Variants in AFAP1 observed in about 807,000 individuals in gnomAD.
AFAP1 encodes actin filament associated protein 1, also known as actin filament-associated protein 1.
A neutral mutation model predicts 93.9 loss-of-function variants in AFAP1; 75 were observed. That is an observed-to-expected ratio of 0.80 (90% CI 0.66 to 0.97). The LOEUF is 0.97. AFAP1 is among the 50% of genes least tolerant of loss of function. The pLI is 0.00. For missense variants in AFAP1, 1,201 were observed against 1,050.8 expected, an observed-to-expected ratio of 1.14 and a Z score of -1.98; for synonymous variants, 517 against 430.7, an observed-to-expected ratio of 1.20 and a Z score of -2.48.
rs2158274 is a variant in AFAP1 at position 7,762,789 on chromosome 4, C to G, written c.*976G>C. The stretch of plus-strand genomic sequence containing the variant: ...CTCTAAGGTGTTATAGTTCCATGAG[C>G]GAACAAATTCCGGAACTTGCTTCCC... On this transcript the variant is annotated 3_prime_UTR_variant, in exon 18 of 18. Coordinates refer to ENST00000420658, the MANE Select transcript of AFAP1 (RefSeq NM_001134647.2). 106,441 of 152,082 alleles carry G rather than the reference C, an allele frequency of 0.7. 37,812 individuals carry two copies. The highest frequency in any genetic ancestry group is 0.77 in the Non-Finnish European group (52,471 of 68,022). The allele number at this position is 152,082 out of a possible 1,614,324, so 9.4% of individuals were successfully genotyped here.
chr4:7,762,433 C>T lies in AFAP1; in HGVS notation c.*1332G>A, dbSNP rs1560138461. The T allele has an allele frequency of 6.6e-6, 1 of 152,198 alleles. No homozygotes were observed. Among genetic ancestry groups the T allele is most frequent in the South Asian group, 2.1e-4 (1 of 4,836 alleles). The allele number at this position is 152,198 out of a possible 1,614,324, so 9.4% of individuals were successfully genotyped here. A position where few individuals can be genotyped will look rare whatever the true frequency, so the allele number is the denominator to read the frequency against. On this transcript the variant is annotated 3_prime_UTR_variant, in exon 18 of 18. Coordinates refer to ENST00000420658, the MANE Select transcript of AFAP1 (RefSeq NM_001134647.2). ...TGCCTGCGGAGGCGTTCAGGGGTGA[C>T]TTATTTCGTCATAAGTGACTGCATC...
At chr4:7,767,256 G>A (rs764436703) in intron 17 of AFAP1, among the ~76,000 whole-genome samples, 7 of 152,300 alleles carry the variant, frequency 4.6e-5, no homozygotes, top group African/African-American at 7.2e-5. Flanking sequence ...AGGATCACTC[G>A]CTTCCCATTC....
At chr4:7,931,148 G>A (rs762247701) in intron 1 of AFAP1, among the ~76,000 whole-genome samples, 2 of 152,134 alleles carry the variant, frequency 1.3e-5, no homozygotes, top group Non-Finnish European at 2.9e-5. Flanking sequence ...TCTTCCACAG[G>A]ACATCTCCCT....
At chr4:7,781,329 T>A in intron 13 of AFAP1, 47 bp downstream of exon 13, 1 of 1,539,576 alleles carries the variant, frequency 6.5e-7, no homozygotes, top group Middle Eastern at 1.7e-4. Context: ...GTTGGAGCAA[T>A]GTGACTTGAA....
intron 16 of AFAP1, among the ~76,000 whole-genome samples, chr4:7,769,812 C>G (rs1390354840): frequency 6.6e-6 from 1 of 152,236 alleles, no homozygotes; most frequent in African/African-American, 2.4e-5. Context: ...TGAAAATGGG[C>G]AGCTCGGGGT....
At chr4:7,791,849 AAAC>A (rs1717886757) in intron 11 of AFAP1, among the ~76,000 whole-genome samples, 1 of 147,584 alleles carries the variant, frequency 6.8e-6, no homozygotes. Flanking sequence ...AATCAAAAAA[AAAC>A]AAAAACAAAA....
At chr4:7,772,748 C>T (rs939022320) in intron 16 of AFAP1, 72 bp downstream of exon 16, 1 of 1,454,536 alleles carries the variant, frequency 6.9e-7, no homozygotes, top group Non-Finnish European at 9.4e-7. Flanking sequence ...ACTCCACATT[C>T]TCTCTGGGTG....
chr4:7,791,353 G>C (rs938181234), intron 11 of AFAP1, among the ~76,000 whole-genome samples: 1 of 152,164 alleles, frequency 6.6e-6, no homozygotes, highest in Non-Finnish European at 1.5e-5. Context: ...AGGGGTGAAA[G>C]ATGCTGGAGC....
In AFAP1 at chr4:7,816,013, C is replaced by T. The variant is rs765123469; in HGVS notation, c.904+5G>A. The T allele has an allele frequency of 1.3e-5, 21 of 1,607,400 alleles. No homozygotes were observed. The South Asian group carries it at 2.2e-4, about 17-fold the overall frequency. On this transcript the variant is annotated splice_donor_5th_base_variant and intron_variant, in intron 8 of 17. Coordinates refer to ENST00000420658, the MANE Select transcript of AFAP1 (RefSeq NM_001134647.2). Reference sequence around the variant, plus strand: ...ATATATGTTTTTGGCACAAGCAGAACTCACCTTGCTCCTTTCCATTACATG... The same window carrying T: ...ATATATGTTTTTGGCACAAGCAGAATTCACCTTGCTCCTTTCCATTACATG...
Position 7,786,211 on chromosome 4 carries a change from G to T in AFAP1, c.1513C>A (p.Pro505Thr). Residue 505 changes from proline (P) to threonine (T), a missense_variant, in exon 12 of 18, where the codon CCG (proline) becomes ACG (threonine). By Grantham distance (38) the Pro-to-Thr change is conservative. Coordinates refer to ENST00000420658, the MANE Select transcript of AFAP1 (RefSeq NM_001134647.2). ...SGTALHYDDV[P>T]CINGSWEPED... ...GCACTCACCGAGCCGTTGATGCACG[G>T]GACATCGTCATAATGAAGTGCCGTC... 1 of 1,614,166 alleles carries T rather than the reference G, an allele frequency of 6.2e-7. No individual in the cohort carries two copies. The highest frequency in any genetic ancestry group is 1.1e-5 in the South Asian group (1 of 91,070).
Position 7,781,549 on chromosome 4 carries a change from A to T in AFAP1, c.1609T>A (p.Tyr537Asn). 1 of 1,552,058 alleles carries T rather than the reference A, an allele frequency of 6.4e-7. No homozygotes were observed. The highest frequency in any genetic ancestry group is 8.7e-7 in the Non-Finnish European group (1 of 1,147,072). Reference sequence around the variant, plus strand: ...ATGTGCGGAGGCGGCAAGTTATCGTACAGGCCTGCGTTATCATAAAGCACC... The same window carrying T: ...ATGTGCGGAGGCGGCAAGTTATCGTTCAGGCCTGCGTTATCATAAAGCACC... ...EEVLYDNAGLYDNLPPPHIFA... is the reference protein window; with the variant it reads ...EEVLYDNAGLNDNLPPPHIFA... The change falls in exon 13 of 18, where the codon TAC becomes AAC. Residue 537 changes from tyrosine (Y) to asparagine (N), a missense_variant. By Grantham distance (143) the Tyr-to-Asn change is moderately radical. Transcript: ENST00000420658.
intron 7 of AFAP1, among the ~76,000 whole-genome samples, chr4:7,817,229 C>G (rs1025302844): frequency 1.3e-5 from 2 of 152,198 alleles, no homozygotes; most frequent in African/African-American, 4.8e-5. Flanking sequence ...TTCCAGAAAT[C>G]TATTCTCAGG....
At chr4:7,923,831 C>T (rs1312793334) in intron 1 of AFAP1, among the ~76,000 whole-genome samples, 3 of 152,142 alleles carry the variant, frequency 2.0e-5, no homozygotes, top group Admixed American at 2.0e-4. Flanking sequence ...CCTCATCTAA[C>T]CCTAATCACC....
chr4:7,819,135 C>T lies in AFAP1; in HGVS notation c.763G>A (p.Val255Met), dbSNP rs866738414. ...KEAYSGCSGP[V>M]DSECPPPPSS... ...GGTGGAGGAGGACACTCTGAATCCA[C>T]GGGGCCACTACAACCACTGTAGGCT... Residue 255 changes from valine to methionine, a missense_variant, in exon 7 of 18, where the codon GTG (valine) becomes ATG (methionine). By Grantham distance (21) the Val-to-Met change is conservative (BLOSUM62 1). Coordinates refer to ENST00000420658, the MANE Select transcript of AFAP1 (RefSeq NM_001134647.2). The T allele has an allele frequency of 5.0e-6, 8 of 1,613,616 alleles. No individual in the cohort carries two copies. The highest frequency in any genetic ancestry group is 2.2e-5 in the East Asian group (1 of 44,872).
intron 11 of AFAP1, among the ~76,000 whole-genome samples, chr4:7,787,291 C>T (rs1425080299): frequency 6.6e-6 from 1 of 152,216 alleles, no homozygotes; most frequent in Non-Finnish European, 1.5e-5. Flanking sequence ...ATGCTTTGCC[C>T]GGCGCACCTC....
chr4:7,827,384 CAACATAGAGA>C (rs1214125014), intron 6 of AFAP1, among the ~76,000 whole-genome samples: 2 of 151,828 alleles, frequency 1.3e-5, no homozygotes, highest in Non-Finnish European at 2.9e-5. Context: ...CCAGCCTGAC[CAACATAGAGA>C]AACCCCGTCT....
At chr4:7,797,687 G>A (rs769593876) in intron 10 of AFAP1, among the ~76,000 whole-genome samples, 2 of 152,204 alleles carry the variant, frequency 1.3e-5, no homozygotes, top group Non-Finnish European at 2.9e-5. Context: ...GGAATAACTA[G>A]AAAAACCTGA....
chr4:7,829,749 C>G (rs1721726888), intron 6 of AFAP1, among the ~76,000 whole-genome samples: 1 of 152,188 alleles, frequency 6.6e-6, no homozygotes. Flanking sequence ...AGAAAAGGCA[C>G]TCTGATATAT....
intron 3 of AFAP1, among the ~76,000 whole-genome samples, chr4:7,864,681 C>T (rs1460687056): frequency 6.6e-6 from 1 of 152,134 alleles, no homozygotes; most frequent in Non-Finnish European, 1.5e-5. Context: ...GTGTATTTAC[C>T]AAGAGTCAGC....
Sources: gnomAD v4.1 joint callset for allele counts (sites outside exome capture counted in the v4.1 genomes callset) on GRCh38, gnomAD v4.1.1 for gene constraint, MANE v1.5 for transcripts, NCBI Gene and HGNC (gene_info 2026-07-23, HGNC 2026-07-21) for gene names.